The following NRXN3 variants were observed in gnomAD, a reference collection of about 807,000 sequenced individuals.
The protein encoded by NRXN3 is neurexin III.
NRXN3 carries 32 observed loss-of-function variants against 137.6 expected under a neutral mutation model. The ratio of observed to expected loss-of-function variants is 0.23; its 90% CI spans 0.18 to 0.31. The LOEUF (loss-of-function observed/expected upper bound fraction) is 0.31. Among genes scored for constraint, NRXN3 ranks in the 10% least tolerant of loss-of-function variants. The pLI is 1.00. For missense variants in NRXN3, 1,574 were observed against 2,062.5 expected (o/e 0.76, Z 4.59); for synonymous variants, 798 against 784.5 (o/e 1.02, Z -0.29).
chr14:79,297,935 G>C (rs8005937), intron 15 of NRXN3, among the ~76,000 whole-genome samples: 1 of 151,958 alleles, frequency 6.6e-6, no homozygotes, highest in Non-Finnish European at 1.5e-5. Flanking sequence ...TATGCCCCTT[G>C]GTAGGAGAGT....
At chr14:79,554,404 A>C (rs1486950252) in intron 16 of NRXN3, among the ~76,000 whole-genome samples, 1 of 152,192 alleles carries the variant, frequency 6.6e-6, no homozygotes, top group Non-Finnish European at 1.5e-5. Context: ...CATACTTCAA[A>C]TACTCAAACC....
At chr14:78,791,343 T>C (rs1255682154) in intron 8 of NRXN3, among the ~76,000 whole-genome samples, 2 of 152,064 alleles carry the variant, frequency 1.3e-5, no homozygotes, top group Admixed American at 1.3e-4. Context: ...GCAAACCAAA[T>C]AATCATTATC....
At chr14:78,723,130 C>T (rs1313369541) in intron 8 of NRXN3, among the ~76,000 whole-genome samples, 1 of 152,144 alleles carries the variant, frequency 6.6e-6, no homozygotes, top group East Asian at 1.9e-4. Flanking sequence ...CAAGTTTAGG[C>T]ATTATCTTAT....
intron 8 of NRXN3, among the ~76,000 whole-genome samples, chr14:78,760,327 C>A (rs1007233095): frequency 6.6e-6 from 1 of 151,152 alleles, no homozygotes; most frequent in African/African-American, 2.4e-5. Flanking sequence ...CAGGTGTAAG[C>A]CACTGCGCCC....
At chr14:79,663,680 G>A in intron 16 of NRXN3, 98 bp from the exon 17 acceptor site, 2 of 929,034 alleles carry the variant, frequency 2.2e-6, no homozygotes, top group Admixed American at 4.9e-5. Context: ...AGCTCCCTCT[G>A]GGCACCTACA....
At chr14:79,624,817 T>TG (rs1245483232) in intron 16 of NRXN3, among the ~76,000 whole-genome samples, 208 of 151,028 alleles carry the variant, frequency 1.4e-3, no homozygotes, top group Non-Finnish European at 2.3e-3. Context: ...GTTTTTGTTT[T>TG]TTTTTAAACA....
intron 4 of NRXN3, among the ~76,000 whole-genome samples, chr14:78,397,242 T>G (rs1021019225): frequency 1.3e-5 from 2 of 152,178 alleles, no homozygotes; most frequent in African/African-American, 4.8e-5. Flanking sequence ...TATTACTTCT[T>G]TAAGTACTTT....
chr14:79,787,085 T>C (rs142923001), intron 19 of NRXN3, among the ~76,000 whole-genome samples: 11 of 152,324 alleles, frequency 7.2e-5, no homozygotes. Context: ...ATCTACATGA[T>C]ATTTGACTTA....
intron 15 of NRXN3, among the ~76,000 whole-genome samples, chr14:79,399,674 G>T (rs550409290): frequency 6.6e-6 from 1 of 152,298 alleles, no homozygotes; most frequent in South Asian, 2.1e-4. Flanking sequence ...TTTAAAAAGC[G>T]TTGTGCTCAA....
intron 2 of NRXN3, among the ~76,000 whole-genome samples, chr14:78,250,505 GA>G (rs2153461219): frequency 6.6e-6 from 1 of 152,332 alleles, no homozygotes; most frequent in African/African-American, 2.4e-5. Context: ...GAAGTGTACA[GA>G]ATCCAATTTC....
intron 18 of NRXN3, among the ~76,000 whole-genome samples, chr14:79,695,046 C>A (rs557420459): frequency 2.5e-4 from 38 of 152,034 alleles, no homozygotes; most frequent in Middle Eastern, 3.4e-3. Flanking sequence ...TAGCTGTAGT[C>A]AGGAGTAGAG....
intron 15 of NRXN3, among the ~76,000 whole-genome samples, chr14:79,463,796 G>A (rs911083015): frequency 3.3e-5 from 5 of 152,060 alleles, no homozygotes; most frequent in East Asian, 1.9e-4. Flanking sequence ...TCAGAAGTAC[G>A]AGGCTCAGGG....
chr14:78,553,679 GA>G (rs999578968), intron 4 of NRXN3, among the ~76,000 whole-genome samples: 51 of 152,348 alleles, frequency 3.3e-4, no homozygotes, highest in African/African-American at 1.2e-3. Context: ...CCGGGGATCT[GA>G]GGCTAGAGCT....
chr14:79,408,211 T>C (rs1162370628), intron 15 of NRXN3, among the ~76,000 whole-genome samples: 1 of 152,176 alleles, frequency 6.6e-6, no homozygotes, highest in East Asian at 1.9e-4. Flanking sequence ...ATTTCTCTTT[T>C]GATATGATGC....
chr14:79,065,707 C>A (rs72687435), intron 15 of NRXN3, among the ~76,000 whole-genome samples: 13,151 of 152,098 alleles, frequency 0.086, 716 homozygotes, highest in Non-Finnish European at 0.12. Flanking sequence ...TAATCTCTGC[C>A]ATTCTTTATA....
intron 2 of NRXN3, among the ~76,000 whole-genome samples, chr14:78,274,832 G>A (rs1179226843): frequency 6.6e-6 from 1 of 152,164 alleles, no homozygotes; most frequent in Non-Finnish European, 1.5e-5. Flanking sequence ...CCTAAGGGAG[G>A]TGGCTGCAAC....
At chr14:79,196,420 A>G (rs962340727) in intron 15 of NRXN3, among the ~76,000 whole-genome samples, 1 of 152,186 alleles carries the variant, frequency 6.6e-6, no homozygotes, top group African/African-American at 2.4e-5. Flanking sequence ...CATGGGAGAG[A>G]GCCAAACTCA....
intron 19 of NRXN3, among the ~76,000 whole-genome samples, chr14:79,766,601 G>GCTTC (rs2099056800): frequency 1.3e-5 from 2 of 152,160 alleles, no homozygotes; most frequent in African/African-American, 2.4e-5. Context: ...CTGCTTGCTG[G>GCTTC]CTTCCTTCCT....
Position 79,051,003 on chromosome 14 carries a change from C to T in NRXN3, c.3262+62862C>T, listed in dbSNP as rs78280745. ...ATATTTTACATAACATTAACTTAAT[C>T]TTCACAATATCCTATGAGGGGATAC... is the stretch of plus-strand genomic sequence containing the variant. On this transcript the variant is annotated intron_variant, in intron 15 of 20. Coordinates refer to ENST00000335750, the MANE Select transcript of NRXN3 (RefSeq NM_001330195.2). Among the ~76,000 whole-genome samples the T allele has an allele frequency of 7.9e-3, 1,196 of 152,288 alleles. 12 individuals are homozygous for T. Among genetic ancestry groups the T allele is most frequent in the African/African-American group, 0.028 (1,162 of 41,548 alleles).
Sources: allele counts gnomAD v4.1 joint callset (sites outside exome capture counted in the v4.1 genomes callset), GRCh38; gene constraint gnomAD v4.1.1; transcripts MANE v1.5; gene names NCBI Gene and HGNC (gene_info 2026-07-23, HGNC 2026-07-21).